The following CDH12 variants were observed in gnomAD, a reference collection of about 807,000 sequenced individuals.
The protein encoded by CDH12 is cadherin 12.
CDH12 carries 41 observed loss-of-function variants against 74.1 expected under a neutral mutation model. The observed-to-expected ratio is 0.55, with a 90% CI of 0.43 to 0.72. CDH12 has a LOEUF of 0.72. Ranked by LOEUF, CDH12 falls within the 30% of genes least tolerant of loss-of-function variation. CDH12 has a pLI of 0.00. For synonymous variants in CDH12, 399 were observed against 355.0 expected, an observed-to-expected ratio of 1.12 and a Z score of -1.39; for missense variants, 945 against 977.2, an observed-to-expected ratio of 0.97 and a Z score of 0.44.
chr5:22,764,470 A>G (rs1746397463), intron 1 of CDH12, among the ~76,000 whole-genome samples: 1 of 152,036 alleles, frequency 6.6e-6, no homozygotes, highest in African/African-American at 2.4e-5. Context: ...CTAAATAAAT[A>G]CAAAAGTTCT....
At chr5:22,286,579 T>C (rs1179913800) in intron 3 of CDH12, among the ~76,000 whole-genome samples, 1 of 152,136 alleles carries the variant, frequency 6.6e-6, no homozygotes, top group African/African-American at 2.4e-5. Context: ...TGAACCAGAA[T>C]GTCAAGAATG....
At chr5:22,753,804 A>G in intron 1 of CDH12, among the ~76,000 whole-genome samples, 1 of 152,040 alleles carries the variant, frequency 6.6e-6, no homozygotes, top group East Asian at 1.9e-4. Context: ...AAATTTTAAC[A>G]TTGAGAAACA....
At position 22,043,192 on chromosome 5, in the gene CDH12, C is replaced by A. The variant is rs570589406; in HGVS notation, c.231+35254G>T. On this transcript the variant is annotated intron_variant, in intron 5 of 14. Coordinates refer to ENST00000382254, the MANE Select transcript of CDH12 (RefSeq NM_004061.5). ...TCCTGATAAGTACATATGCAAAAAT[C>A]CTCAACAGAATACTAGCAAAACAAA... 3.3e-5 allele frequency among the ~76,000 whole-genome samples: 5 copies of A among 152,150 alleles called. No individual in the cohort carries two copies. In the South Asian group the frequency reaches 1.0e-3, roughly 32 times the overall value.
At chr5:22,463,968 G>A (rs577204048) in intron 2 of CDH12, among the ~76,000 whole-genome samples, 34 of 152,144 alleles carry the variant, frequency 2.2e-4, no homozygotes, top group South Asian at 2.1e-4. Flanking sequence ...ATATGGTTTG[G>A]TTGTATTCCC....
At chr5:22,790,787 C>A (rs906939578) in intron 1 of CDH12, among the ~76,000 whole-genome samples, 2 of 152,086 alleles carry the variant, frequency 1.3e-5, no homozygotes, top group Admixed American at 1.3e-4. Flanking sequence ...ATATCAGAGA[C>A]TACATCCCAC....
chr5:22,576,409 G>C (rs931370672), intron 1 of CDH12, among the ~76,000 whole-genome samples: 1 of 152,182 alleles, frequency 6.6e-6, no homozygotes, highest in Non-Finnish European at 1.5e-5. Context: ...GACCACAAAT[G>C]CCTGTCCTAA....
In CDH12 at chr5:22,390,921, G is replaced by GA. The variant is rs200441181; in HGVS notation, c.-333+14335dup. On this transcript the variant is annotated intron_variant, in intron 3 of 14. Coordinates refer to ENST00000382254, the MANE Select transcript of CDH12 (RefSeq NM_004061.5). ...AAAATCCTTGCTCAGATGTTAATGT[G>GA]AAAAAAAAATCTCTCTAGTTACTGA... 7.9e-5 allele frequency among the ~76,000 whole-genome samples: 12 copies of GA among 151,142 alleles called. No individual in the cohort carries two copies. In the East Asian group the frequency reaches 1.6e-3, roughly 20 times the overall value.
At chr5:22,721,802 T>C (rs138652039) in intron 1 of CDH12, among the ~76,000 whole-genome samples, 2 of 152,172 alleles carry the variant, frequency 1.3e-5, no homozygotes, top group Non-Finnish European at 2.9e-5. Context: ...TGAGTTTTCA[T>C]GATATCTGTT....
At position 21,905,433 on chromosome 5, in the gene CDH12, A is replaced by C. The variant is rs141329380; in HGVS notation, c.527-50643T>G. On this transcript the variant is annotated intron_variant, in intron 6 of 14. Transcript: ENST00000382254. ...AAATACAGCAGTGAGTAAAACAGGC[A>C]AAAATGACTGTCTTTGCAGTTTGTC... 7.0e-3 allele frequency among the ~76,000 whole-genome samples: 1,074 copies of C among 152,366 alleles called. 8 individuals carry two copies. Among genetic ancestry groups the C allele is most frequent in the African/African-American group, 0.024 (1,010 of 41,592 alleles).
At chr5:22,562,999 T>A (rs965445413) in intron 1 of CDH12, among the ~76,000 whole-genome samples, 2 of 147,618 alleles carry the variant, frequency 1.4e-5, no homozygotes, top group Admixed American at 6.8e-5. Flanking sequence ...AATATTTATA[T>A]ATGCAAATAT....
chr5:22,308,915 A>AG, intron 3 of CDH12, among the ~76,000 whole-genome samples: 2 of 23,064 alleles, frequency 8.7e-5, no homozygotes, highest in African/African-American at 1.8e-4. Context: ...GAGGAGAGAG[A>AG]GAGAGGAGAG....
At chr5:22,005,213 T>C (rs1300959960) in intron 5 of CDH12, among the ~76,000 whole-genome samples, 2 of 152,040 alleles carry the variant, frequency 1.3e-5, no homozygotes, top group African/African-American at 4.8e-5. Flanking sequence ...GCTAATTTTT[T>C]TGTATATTTA....
At chr5:21,823,954 A>T (rs1183051793) in intron 8 of CDH12, among the ~76,000 whole-genome samples, 1 of 152,086 alleles carries the variant, frequency 6.6e-6, no homozygotes, top group African/African-American at 2.4e-5. Context: ...TTGGATGAAG[A>T]CAATGGTGAG....
chr5:21,838,234 A>G (rs1027625914), intron 8 of CDH12, among the ~76,000 whole-genome samples: 10 of 152,162 alleles, frequency 6.6e-5, no homozygotes, highest in African/African-American at 2.4e-4. Flanking sequence ...TAGTAATGAT[A>G]AAGTTCTTGA....
At chr5:22,623,826 T>C (rs1738118648) in intron 1 of CDH12, among the ~76,000 whole-genome samples, 1 of 152,122 alleles carries the variant, frequency 6.6e-6, no homozygotes, top group Non-Finnish European at 1.5e-5. Flanking sequence ...TTAAAGTTCA[T>C]ATGGAACCAA....
At chr5:22,827,068 A>G (rs1736374531) in intron 1 of CDH12, among the ~76,000 whole-genome samples, 1 of 152,156 alleles carries the variant, frequency 6.6e-6, no homozygotes, top group Non-Finnish European at 1.5e-5. Context: ...AGGTTTAAGA[A>G]AAAAAGTGGT....
At position 22,004,481 on chromosome 5, in the gene CDH12, T is replaced by C. The variant is rs564977380; in HGVS notation, c.232-29096A>G. On this transcript the variant is annotated intron_variant, in intron 5 of 14. Coordinates refer to ENST00000382254, the MANE Select transcript of CDH12 (RefSeq NM_004061.5). ...ACTGTTTCCTTAACCTCATTTCCTATTACTCTCTTCTCACTGTTCATGCAC... is the reference window on the plus strand; with the variant it reads ...ACTGTTTCCTTAACCTCATTTCCTACTACTCTCTTCTCACTGTTCATGCAC... Among the ~76,000 whole-genome samples, 700 of 152,282 alleles carry C rather than the reference T, an allele frequency of 4.6e-3. 9 individuals are homozygous for C. Among genetic ancestry groups the C allele is most frequent in the African/African-American group, 0.016 (671 of 41,556 alleles).
chr5:22,459,176 C>T (rs1745405372), intron 2 of CDH12, among the ~76,000 whole-genome samples: 1 of 151,984 alleles, frequency 6.6e-6, no homozygotes, highest in Non-Finnish European at 1.5e-5. Flanking sequence ...AGTTTTTCAT[C>T]TTAAAAAGAC....
intron 1 of CDH12, among the ~76,000 whole-genome samples, chr5:22,829,182 A>G (rs767549069): frequency 1.3e-5 from 2 of 152,166 alleles, no homozygotes; most frequent in Non-Finnish European, 2.9e-5. Flanking sequence ...ACAAATTTTT[A>G]ATTCAGACAT....
Sources: allele counts gnomAD v4.1 joint callset (sites outside exome capture counted in the v4.1 genomes callset), GRCh38; gene constraint gnomAD v4.1.1; transcripts MANE v1.5; gene names NCBI Gene and HGNC (gene_info 2026-07-23, HGNC 2026-07-21).